Variants in TUT7 observed in about 807,000 individuals in gnomAD.
The protein encoded by TUT7 is terminal uridylyl transferase 7, also known as terminal uridylyltransferase 7.
TUT7 carries 33 observed loss-of-function variants against 165.9 expected under a neutral mutation model. The observed-to-expected ratio is 0.20, with a 90% CI of 0.15 to 0.27. TUT7 has a LOEUF of 0.27. TUT7 is among the 10% of genes least tolerant of loss of function. The probability of loss-of-function intolerance (pLI) is 1.00; values close to 1 mark genes in which losing one functional copy is unlikely to be tolerated. For synonymous variants in TUT7, 552 were observed against 608.1 expected (o/e 0.91, Z 1.36); for missense variants, 1,338 against 1,762.3 (o/e 0.76, Z 4.31).
intron 10 of TUT7, among the ~76,000 whole-genome samples, chr9:86,334,406 G>A (rs944380912): frequency 6.6e-6 from 1 of 152,108 alleles, no homozygotes; most frequent in Non-Finnish European, 1.5e-5. Flanking sequence ...TAACCCTCAA[G>A]CTTGTCCAAA....
intron 26 of TUT7, 138 bp downstream of exon 26, chr9:86,301,138 A>T: frequency 1.3e-6 from 1 of 796,518 alleles, no homozygotes; most frequent in Non-Finnish European, 1.9e-6. Context: ...AAGGGATTTT[A>T]CTTTCTTAAA....
At chr9:86,307,249 G>A (rs1224727788) in intron 22 of TUT7, among the ~76,000 whole-genome samples, 3 of 151,808 alleles carry the variant, frequency 2.0e-5, no homozygotes, top group Non-Finnish European at 2.9e-5. Flanking sequence ...ATTCCAGCCT[G>A]GAAGACAAAG....
At chr9:86,322,617 T>G in intron 13 of TUT7, 142 bp from the exon 14 acceptor site, 1 of 1,106,684 alleles carries the variant, frequency 9.0e-7, no homozygotes, top group South Asian at 1.7e-5. Flanking sequence ...ACTCAAATGA[T>G]CTGAGAGATG....
chr9:86,314,329 T>G (rs1391985678), intron 17 of TUT7, among the ~76,000 whole-genome samples: 2 of 152,230 alleles, frequency 1.3e-5, no homozygotes, highest in Non-Finnish European at 2.9e-5. Flanking sequence ...CAGTCTCTTT[T>G]CTTAATTTCT....
At position 86,288,687 on chromosome 9, in the gene TUT7, T is replaced by TG; in HGVS notation, c.4477dup (p.Gln1493ProfsTer25). ...TGCATTTTCCTTCCCTCATGATTCCTGCTGGGTCCTCTTCGCTGAGGCTTT... is the reference window on the plus strand; with the variant it reads ...TGCATTTTCCTTCCCTCATGATTCCTGGCTGGGTCCTCTTCGCTGAGGCTTT... On this transcript the variant is annotated frameshift_variant, in exon 27 of 27. Transcript: ENST00000375963. LOFTEE classifies it high-confidence loss of function. 6.2e-7 allele frequency: 1 copy of TG among 1,613,862 alleles called. No individual in the cohort carries two copies.
At chr9:86,344,845 A>G (rs908743837) in intron 5 of TUT7, 132 bp downstream of exon 5, 28 of 922,170 alleles carry the variant, frequency 3.0e-5, no homozygotes, top group Non-Finnish European at 4.2e-5. Context: ...AAAACAAAAA[A>G]CAAAAAAATA....
At chr9:86,312,228 C>T (rs1434199473) in intron 17 of TUT7, among the ~76,000 whole-genome samples, 1 of 151,394 alleles carries the variant, frequency 6.6e-6, no homozygotes, top group African/African-American at 2.4e-5. Flanking sequence ...CGTCTCTGCC[C>T]GGCCACCCAT....
chr9:86,324,511 C>A (rs1829613293), intron 12 of TUT7: 1 of 152,520 alleles, frequency 6.6e-6, no homozygotes, highest in Non-Finnish European at 1.5e-5. Flanking sequence ...GCCAGAAGAG[C>A]TGAGCCACAG....
Position 86,323,060 on chromosome 9 carries a change from T to C in TUT7, c.2690A>G (p.Asp897Gly). The C allele has an allele frequency of 1.2e-6, 2 of 1,614,198 alleles. No individual in the cohort carries two copies. Among genetic ancestry groups the C allele is most frequent in the Non-Finnish European group, 1.7e-6 (2 of 1,180,036 alleles). The stretch of plus-strand genomic sequence containing the variant: ...ATACTTAGCAGCTTCGCCTAACTCA[T>C]CATCCTCTTCAGATAGGGCGTCCTC... ...GDEDALSEED[D>G]ELGEAAKYED... The change falls in exon 13 of 27, where the codon GAT becomes GGT. Residue 897 changes from aspartate to glycine, a missense_variant. Asp to Gly is a moderately conservative substitution (Grantham distance 94, BLOSUM62 -1). Coordinates refer to ENST00000375963, the MANE Select transcript of TUT7 (RefSeq NM_024617.4).
intron 26 of TUT7, among the ~76,000 whole-genome samples, chr9:86,293,067 G>T (rs1182853709): frequency 6.6e-6 from 1 of 152,054 alleles, no homozygotes; most frequent in South Asian, 2.1e-4. Flanking sequence ...ATAAAATTTG[G>T]TAAGCATGAT....
At position 86,346,496 on chromosome 9, in the gene TUT7, A is replaced by G. The variant is rs183921458; in HGVS notation, c.521-16T>C. ...TTCTTGTTTTCTTAAGGTGGGGGAA[A>G]AATATTATTGGCAATATTAAATAAT... On this transcript the variant is annotated splice_polypyrimidine_tract_variant and intron_variant, in intron 2 of 26. Coordinates refer to ENST00000375963, the MANE Select transcript of TUT7 (RefSeq NM_024617.4). 256 of 1,609,454 alleles carry G rather than the reference A, an allele frequency of 1.6e-4. No homozygotes were observed. The highest frequency in any genetic ancestry group is 2.1e-4 in the Non-Finnish European group (250 of 1,178,228).
chr9:86,345,539 C>T lies in TUT7; in HGVS notation c.819+130G>A. The T allele has an allele frequency of 8.5e-6, 6 of 704,320 alleles. No individual in the cohort carries two copies. In the South Asian group the frequency reaches 9.7e-5, roughly 11 times the overall value. The allele number at this position is 704,320 out of a possible 1,614,324, so 43.6% of individuals were successfully genotyped here. A position where few individuals can be genotyped will look rare whatever the true frequency, so the allele number is the denominator to read the frequency against. On this transcript the variant is annotated intron_variant, in intron 4 of 26. Transcript: ENST00000375963. The stretch of plus-strand genomic sequence containing the variant: ...ATCTGACCAGTATTATGTATTTTGG[C>T]TCAAATATATTCAATAAATAAAGCA...
At chr9:86,325,308 G>T (rs757187858) in intron 12 of TUT7, 26 bp downstream of exon 12, 34 of 1,604,446 alleles carry the variant, frequency 2.1e-5, no homozygotes, top group Non-Finnish European at 2.7e-5. Flanking sequence ...AGAGTGGGGG[G>T]GAATAAGATA....
intron 5 of TUT7, among the ~76,000 whole-genome samples, chr9:86,343,476 A>T (rs1343731915): frequency 1.3e-5 from 2 of 152,216 alleles, no homozygotes; most frequent in Non-Finnish European, 2.9e-5. Flanking sequence ...ACATTTTATG[A>T]AGAAAATACT....
Position 86,310,066 on chromosome 9 carries a change from G to A in TUT7, c.3379-49C>T, listed in dbSNP as rs761781768. The A allele has an allele frequency of 3.2e-5, 45 of 1,386,376 alleles. No homozygotes were observed. The South Asian group carries it at 4.7e-4, about 15-fold the overall frequency. 85.9% of individuals were successfully genotyped at this position (1,386,376 alleles called of 1,614,324 possible). On this transcript the variant is annotated intron_variant, in intron 18 of 26. Coordinates refer to ENST00000375963, the MANE Select transcript of TUT7 (RefSeq NM_024617.4). The stretch of plus-strand genomic sequence containing the variant: ...TAAGACTAACAATGAAGTGTAAAGG[G>A]TCTCTTTTTTTTTTTTGGTTGTTGT...
Position 86,323,390 on chromosome 9 carries a change from A to C in TUT7, c.2360T>G (p.Leu787Trp), listed in dbSNP as rs982421973. 1.9e-6 allele frequency: 3 copies of C among 1,614,068 alleles called. No individual in the cohort carries two copies. The African/African-American group carries it at 4.0e-5, about 22-fold the overall frequency. The change falls in exon 13 of 27, where the codon TTG becomes TGG. Residue 787 changes from leucine to tryptophan, a missense_variant. Coordinates refer to ENST00000375963, the MANE Select transcript of TUT7 (RefSeq NM_024617.4). ...GGGATTTTGGAAGCCTTCTAAATCCAAAGTGCTCTCTGACTCATTATTACG... is the reference window on the plus strand; with the variant it reads ...GGGATTTTGGAAGCCTTCTAAATCCCAAGTGCTCTCTGACTCATTATTACG... ...STRNNESEST[L>W]DLEGFQNPTA...
chr9:86,288,631 AT>A lies in TUT7; in HGVS notation c.*45del, dbSNP rs767626330. On this transcript the variant is annotated 3_prime_UTR_variant, in exon 27 of 27. Transcript: ENST00000375963. The stretch of plus-strand genomic sequence containing the variant: ...GAAATGAACCTAATTTTCCGAGTGA[AT>A]AGGAACGCCTGAGTGGCCATTTAGA... 6.7e-7 allele frequency: 1 copy of A among 1,490,868 alleles called. No individual in the cohort carries two copies. Among genetic ancestry groups the A allele is most frequent in the South Asian group, 1.1e-5 (1 of 88,082 alleles). The allele number at this position is 1,490,868 out of a possible 1,614,324, so 92.4% of individuals were successfully genotyped here. A position where few individuals can be genotyped will look rare whatever the true frequency, so the allele number is the denominator to read the frequency against.
At chr9:86,315,671 T>C (rs943007993) in intron 17 of TUT7, among the ~76,000 whole-genome samples, 1 of 152,074 alleles carries the variant, frequency 6.6e-6, no homozygotes, top group African/African-American at 2.4e-5. Flanking sequence ...ACAAAACACA[T>C]GATCTTTAGA....
Position 86,309,922 on chromosome 9 carries a change from A to G in TUT7, c.3468+6T>C, listed in dbSNP as rs369177735. The G allele has an allele frequency of 3.0e-5, 48 of 1,610,156 alleles. No individual in the cohort carries two copies. The highest frequency in any genetic ancestry group is 1.0e-4 in the Admixed American group (6 of 59,786). ...CCTGATAAGTCACAATAGGAAGCAT[A>G]CTCACCTTTGTAAATACTTTCATGG... On this transcript the variant is annotated splice_donor_region_variant and intron_variant, in intron 19 of 26. Coordinates refer to ENST00000375963, the MANE Select transcript of TUT7 (RefSeq NM_024617.4).
Sources: allele counts gnomAD v4.1 joint callset (sites outside exome capture counted in the v4.1 genomes callset), GRCh38; gene constraint gnomAD v4.1.1; transcripts MANE v1.5; gene names NCBI Gene and HGNC (gene_info 2026-07-23, HGNC 2026-07-21).